Variants in DUOX1 observed in about 807,000 individuals in gnomAD.
The protein encoded by DUOX1 is NADPH thyroid oxidase 1.
A neutral mutation model predicts 181.8 loss-of-function variants in DUOX1; 134 were observed. The observed-to-expected ratio is 0.74, with a 90% confidence interval of 0.64 to 0.85. DUOX1 has a LOEUF of 0.85. DUOX1 is among the 40% of genes least tolerant of loss of function. The probability of loss-of-function intolerance (pLI) is 0.00; values close to 1 mark genes in which losing one functional copy is unlikely to be tolerated. For missense variants in DUOX1, 1,814 were observed against 2,064.4 expected (o/e 0.88, Z 2.35); for synonymous variants, 798 against 832.5 (o/e 0.96, Z 0.71).
chr15:45,133,787 C>A, intron 2 of DUOX1, 77 bp from the exon 3 acceptor site: 1 of 1,250,562 alleles, frequency 8.0e-7, no homozygotes, highest in Non-Finnish European at 1.1e-6. Flanking sequence ...AGGCTCACAG[C>A]ACCCATATCC....
chr15:45,158,219 G>A (rs1897010147), intron 28 of DUOX1, among the ~76,000 whole-genome samples: 1 of 152,202 alleles, frequency 6.6e-6, no homozygotes, highest in African/African-American at 2.4e-5. Context: ...ATTGTACTCA[G>A]CCTGTTTGGA....
At chr15:45,147,368 C>G in intron 18 of DUOX1, 65 bp from the exon 19 acceptor site, 1 of 1,563,628 alleles carries the variant, frequency 6.4e-7, no homozygotes, top group Non-Finnish European at 8.7e-7. Context: ...CTACAGGGCT[C>G]AGCTGAACTT....
intron 2 of DUOX1, among the ~76,000 whole-genome samples, chr15:45,132,841 C>T (rs922793520): frequency 6.6e-6 from 1 of 152,208 alleles, no homozygotes; most frequent in African/African-American, 2.4e-5. Flanking sequence ...CAAAGGCTCT[C>T]TCCTTTATGT....
Position 45,135,501 on chromosome 15 carries a change from G to C in DUOX1, c.523G>C (p.Gly175Arg), listed in dbSNP as rs1201875214. ...CAACCAGGTGACGGGCTGGCTGGAC[G>C]GCAGCGCCATCTATGGTTCCTCGCA... ...PANQVTGWLDGSAIYGSSHSW... is the reference protein window; with the variant it reads ...PANQVTGWLDRSAIYGSSHSW... Residue 175 changes from glycine (G) to arginine (R), a missense_variant, in exon 6 of 34, where the codon GGC (glycine) becomes CGC (arginine). Coordinates refer to ENST00000389037, the MANE Select transcript of DUOX1 (RefSeq NM_175940.3). 7.7e-6 allele frequency: 12 copies of C among 1,557,128 alleles called. No individual in the cohort carries two copies. The highest frequency in any genetic ancestry group is 1.0e-5 in the Non-Finnish European group (12 of 1,152,116).
At chr15:45,142,887 C>G (rs1896544788) in intron 15 of DUOX1, among the ~76,000 whole-genome samples, 1 of 151,994 alleles carries the variant, frequency 6.6e-6, no homozygotes. Flanking sequence ...TGTGGGTCAG[C>G]TAGCAGCCTG....
intron 15 of DUOX1, among the ~76,000 whole-genome samples, chr15:45,142,500 C>A (rs1022562293): frequency 2.0e-5 from 3 of 152,096 alleles, no homozygotes; most frequent in Non-Finnish European, 2.9e-5. Flanking sequence ...CCGAGGCAGG[C>A]GGATCACCTG....
intron 14 of DUOX1, 46 bp downstream of exon 14, chr15:45,141,456 C>T (rs757317651): frequency 1.5e-5 from 23 of 1,581,902 alleles, no homozygotes; most frequent in Middle Eastern, 3.3e-4. Context: ...TCTGGAGCCT[C>T]GTCCCTCTTC....
chr15:45,150,238 A>T (rs1896765550), intron 21 of DUOX1: 1 of 207,652 alleles, frequency 4.8e-6, no homozygotes. Context: ...GATCTCCCAT[A>T]TACCTACCAC....
At chr15:45,156,128 C>T (rs1438647088) in intron 28 of DUOX1, among the ~76,000 whole-genome samples, 199 bp downstream of exon 28, 3 of 152,200 alleles carry the variant, frequency 2.0e-5, no homozygotes, top group Admixed American at 6.5e-5. Flanking sequence ...CTTGGAAGCT[C>T]GGCTCCCTGG....
chr15:45,155,967 T>C (rs1896961081), intron 28 of DUOX1, 38 bp downstream of exon 28: 2 of 1,611,414 alleles, frequency 1.2e-6, no homozygotes, highest in Non-Finnish European at 1.7e-6. Flanking sequence ...CAGGAGGGTA[T>C]GGGCAGGACA....
Position 45,147,537 on chromosome 15 carries a change from G to A in DUOX1, c.2427G>A (p.Glu809=), listed in dbSNP as rs1239056409. 10 of 1,613,974 alleles carry A rather than the reference G, an allele frequency of 6.2e-6. No individual in the cohort carries two copies. The highest frequency in any genetic ancestry group is 7.6e-6 in the Non-Finnish European group (9 of 1,179,986). ...AGCTGAGCAGGGCCGAGTTTGCCGA[G>A]TCCCTGGGCCTCAAGCCCCAGGACA... The part of the protein sequence containing the change: ...TCELSRAEFA[E]SLGLKPQDMF... Residue 809 remains glutamate (E), a synonymous_variant, in exon 19 of 34, where the codon GAG becomes GAA. Coordinates refer to ENST00000389037, the MANE Select transcript of DUOX1 (RefSeq NM_175940.3).
chr15:45,143,593 C>T (rs1247426956), intron 16 of DUOX1, among the ~76,000 whole-genome samples: 1 of 152,204 alleles, frequency 6.6e-6, no homozygotes, highest in Non-Finnish European at 1.5e-5. Flanking sequence ...TGTAGCATCT[C>T]ACGCTGGAAC....
chr15:45,152,083 C>T (rs983764994), intron 24 of DUOX1, 31 bp downstream of exon 24: 3 of 1,606,634 alleles, frequency 1.9e-6, no homozygotes, highest in Admixed American at 3.4e-5. Flanking sequence ...CGAGCCCTGT[C>T]CCTAGGCTTG....
rs550380679 is a variant in DUOX1 at position 45,147,525 on chromosome 15, C to T, written c.2415C>T (p.Ala805=). ...REALTCELSR[A]EFAESLGLKP... ...CCCTGACCTGTGAGCTGAGCAGGGCCGAGTTTGCCGAGTCCCTGGGCCTCA... is the reference window on the plus strand; with the variant it reads ...CCCTGACCTGTGAGCTGAGCAGGGCTGAGTTTGCCGAGTCCCTGGGCCTCA... The change falls in exon 19 of 34, where the codon GCC becomes GCT. Residue 805 remains alanine, a synonymous_variant. Transcript: ENST00000389037. 5.0e-6 allele frequency: 8 copies of T among 1,614,058 alleles called. No individual in the cohort carries two copies. Among genetic ancestry groups the T allele is most frequent in the East Asian group, 2.2e-5 (1 of 44,880 alleles).
At chr15:45,162,786 C>T (rs1005199471) in intron 31 of DUOX1, among the ~76,000 whole-genome samples, 1 of 152,218 alleles carries the variant, frequency 6.6e-6, no homozygotes, top group African/African-American at 2.4e-5. Flanking sequence ...ACTGGCTCAG[C>T]TCTCAAGAGG....
intron 28 of DUOX1, among the ~76,000 whole-genome samples, chr15:45,160,104 A>G (rs1214978254): frequency 1.3e-5 from 2 of 152,136 alleles, no homozygotes; most frequent in Non-Finnish European, 2.9e-5. Flanking sequence ...GTGAGCTAAG[A>G]TCATGCCATT....
intron 17 of DUOX1, 71 bp downstream of exon 17, chr15:45,144,306 A>C: frequency 1.3e-6 from 2 of 1,523,298 alleles, no homozygotes; most frequent in Non-Finnish European, 1.8e-6. Context: ...GGAGGGGAAG[A>C]AGCATGGGGT....
In DUOX1 at chr15:45,145,083, G is replaced by A. The variant is rs1896615522; in HGVS notation, c.2322+3G>A. 6.3e-7 allele frequency: 1 copy of A among 1,595,390 alleles called. No homozygotes were observed. Among genetic ancestry groups the A allele is most frequent in the Non-Finnish European group, 8.5e-7 (1 of 1,171,160 alleles). ...TTTTCAGGCACCTTTTCTCCCAGGT[G>A]TGTACATGGGACCAGATCAATCCTT... On this transcript the variant is annotated splice_donor_region_variant and intron_variant, in intron 18 of 33. Transcript: ENST00000389037.
At chr15:45,141,873 A>C in intron 14 of DUOX1, 102 bp from the exon 15 acceptor site, 2 of 1,358,190 alleles carry the variant, frequency 1.5e-6, no homozygotes, top group Non-Finnish European at 2.0e-6. Context: ...TCAGCTACCC[A>C]GAGTGCCCCC....
Sources: allele counts gnomAD v4.1 joint callset (sites outside exome capture counted in the v4.1 genomes callset), GRCh38; gene constraint gnomAD v4.1.1; transcripts MANE v1.5; gene names NCBI Gene and HGNC (gene_info 2026-07-23, HGNC 2026-07-21).